The following MARCHF1 variants were observed in gnomAD, a reference collection of about 807,000 sequenced individuals.
The protein encoded by MARCHF1 is membrane associated ring-CH-type finger 1, also known as E3 ubiquitin-protein ligase MARCHF1.
MARCHF1 carries 40 observed loss-of-function variants against 54.2 expected under a neutral mutation model. The observed-to-expected ratio is 0.74, with a 90% CI of 0.57 to 0.96. MARCHF1 has a LOEUF of 0.96. Ranked by LOEUF, MARCHF1 falls within the 40% of genes least tolerant of loss-of-function variation. The pLI, the probability that MARCHF1 is intolerant of heterozygous loss-of-function variation, is 0.00. For missense variants in MARCHF1, 586 were observed against 656.5 expected (o/e 0.89, Z 1.17); for synonymous variants, 236 against 236.3 (o/e 1.00, Z 0.01).
intron 4 of MARCHF1, among the ~76,000 whole-genome samples, chr4:163,723,303 G>A (rs959327958): frequency 6.6e-6 from 1 of 152,182 alleles, no homozygotes; most frequent in Admixed American, 6.5e-5. Context: ...GGCTGGATAT[G>A]AAATTCTGGG....
chr4:164,011,451 G>T (rs1283289888), intron 2 of MARCHF1, among the ~76,000 whole-genome samples: 3 of 152,120 alleles, frequency 2.0e-5, no homozygotes, highest in Non-Finnish European at 2.9e-5. Flanking sequence ...TAAAAACTGG[G>T]CAAAAGATCT....
At chr4:163,943,873 T>C (rs912244017) in intron 3 of MARCHF1, among the ~76,000 whole-genome samples, 1 of 152,042 alleles carries the variant, frequency 6.6e-6, no homozygotes, top group Admixed American at 6.5e-5. Flanking sequence ...AAGTGTTATA[T>C]ATCATCTTAT....
At chr4:163,687,371 G>A (rs781037219) in intron 5 of MARCHF1, among the ~76,000 whole-genome samples, 3 of 152,008 alleles carry the variant, frequency 2.0e-5, no homozygotes, top group Non-Finnish European at 4.4e-5. Flanking sequence ...GGGACTACAG[G>A]TGCCCGCCAC....
chr4:164,371,991 A>G (rs946614523), intron 1 of MARCHF1, among the ~76,000 whole-genome samples: 3 of 152,230 alleles, frequency 2.0e-5, no homozygotes, highest in African/African-American at 7.2e-5. Flanking sequence ...CTGTGCCAGG[A>G]GGATCACTTG....
At chr4:164,264,722 C>CCAGG in intron 1 of MARCHF1, among the ~76,000 whole-genome samples, 1 of 152,008 alleles carries the variant, frequency 6.6e-6, no homozygotes, top group South Asian at 2.1e-4. Context: ...GAGTCCGGGA[C>CCAGG]CAGGCTGGCC....
intron 1 of MARCHF1, among the ~76,000 whole-genome samples, chr4:164,352,019 A>AGATGAAATG (rs1730356608): frequency 1.5e-5 from 2 of 137,182 alleles, no homozygotes; most frequent in South Asian, 4.8e-4. Flanking sequence ...CAGCAATGGA[A>AGATGAAATG]GATGAAATGA....
chr4:163,600,700 A>G (rs749857780), intron 7 of MARCHF1, among the ~76,000 whole-genome samples: 2 of 152,254 alleles, frequency 1.3e-5, no homozygotes, highest in Middle Eastern at 3.4e-3. Context: ...AATTTAGGTA[A>G]AAGAGTTTCT....
rs62334326 is a variant in MARCHF1, at chr4:163,644,890, A to G, written c.163-31497T>C. On this transcript the variant is annotated intron_variant, in intron 5 of 9. Transcript: ENST00000514618. ...AGCTCCAGTCCCTGTAAACTGTGGC[A>G]TAAGAGCAGACTTACCTTCACAGTG... Among the ~76,000 whole-genome samples, 971 of 152,296 alleles carry G rather than the reference A, an allele frequency of 6.4e-3. 12 individuals are homozygous for G. Among genetic ancestry groups the G allele is most frequent in the South Asian group, 0.054 (259 of 4,824 alleles).
At chr4:163,575,832 C>T (rs1353330962) in intron 8 of MARCHF1, among the ~76,000 whole-genome samples, 1 of 151,928 alleles carries the variant, frequency 6.6e-6, no homozygotes, top group African/African-American at 2.4e-5. Flanking sequence ...TTTGTGTGCA[C>T]AGAGGTGTCC....
chr4:163,717,379 C>G (rs868843308), intron 4 of MARCHF1, among the ~76,000 whole-genome samples: 122 of 151,480 alleles, frequency 8.1e-4, no homozygotes, highest in African/African-American at 2.7e-3. Flanking sequence ...GCCACATTTT[C>G]TTAATCCAGT....
intron 2 of MARCHF1, among the ~76,000 whole-genome samples, chr4:164,007,984 T>C (rs563148884): frequency 1.3e-5 from 2 of 152,136 alleles, no homozygotes; most frequent in Non-Finnish European, 2.9e-5. Flanking sequence ...ATAACACTTA[T>C]TAATAACTCT....
At chr4:163,696,029 T>G (rs1744618386) in intron 5 of MARCHF1, among the ~76,000 whole-genome samples, 1 of 152,134 alleles carries the variant, frequency 6.6e-6, no homozygotes, top group African/African-American at 2.4e-5. Flanking sequence ...ATAACTTATC[T>G]GTAGCTTTTG....
intron 1 of MARCHF1, among the ~76,000 whole-genome samples, chr4:164,338,058 T>A (rs1729805047): frequency 6.6e-6 from 1 of 152,188 alleles, no homozygotes; most frequent in African/African-American, 2.4e-5. Flanking sequence ...ACTGTAGGCA[T>A]AATAATTTGT....
At chr4:164,345,297 T>C (rs1267086294) in intron 1 of MARCHF1, among the ~76,000 whole-genome samples, 1 of 152,082 alleles carries the variant, frequency 6.6e-6, no homozygotes. Flanking sequence ...CTGGGCACAG[T>C]GGTTCAGGCC....
At chr4:164,220,317 C>CAT (rs1002251165) in intron 1 of MARCHF1, among the ~76,000 whole-genome samples, 6 of 145,162 alleles carry the variant, frequency 4.1e-5, no homozygotes, top group Admixed American at 2.1e-4. Context: ...TATAGGAATT[C>CAT]ATATATATAT....
intron 5 of MARCHF1, among the ~76,000 whole-genome samples, chr4:163,614,178 T>A (rs189753982): frequency 6.6e-6 from 1 of 152,272 alleles, no homozygotes; most frequent in African/African-American, 2.4e-5. Flanking sequence ...TGCTGTAGCT[T>A]TATTTACTGT....
intron 2 of MARCHF1, among the ~76,000 whole-genome samples, chr4:164,035,924 TAAAACTAAA>T (rs1465275685): frequency 6.5e-5 from 4 of 61,508 alleles, no homozygotes; most frequent in African/African-American, 2.6e-4. Flanking sequence ...CTACTAAAAC[TAAAACTAAA>T]AAAAAAAAAA....
intron 2 of MARCHF1, among the ~76,000 whole-genome samples, chr4:164,100,746 G>A (rs1171713248): frequency 2.0e-5 from 3 of 152,150 alleles, no homozygotes; most frequent in Non-Finnish European, 2.9e-5. Context: ...TAAGGAATAA[G>A]CTGGGGGAGG....
intron 7 of MARCHF1, among the ~76,000 whole-genome samples, chr4:163,588,772 G>A (rs141356742): frequency 8.9e-4 from 135 of 152,194 alleles, no homozygotes; most frequent in African/African-American, 2.9e-3. Flanking sequence ...CCATCTGGCT[G>A]CAGAAACTAA....
Sources: gnomAD v4.1 joint callset for allele counts (sites outside exome capture counted in the v4.1 genomes callset) on GRCh38, gnomAD v4.1.1 for gene constraint, MANE v1.5 for transcripts, NCBI Gene and HGNC (gene_info 2026-07-23, HGNC 2026-07-21) for gene names.